FOXR1: variants seen among roughly 807,000 people sequenced by gnomAD.
FOXR1 encodes forkhead box protein R1.
Under a neutral mutation model 34.5 loss-of-function variants are expected in FOXR1, and 25 were observed. The observed-to-expected ratio is 0.72, with a 90% confidence interval of 0.53 to 1.01. FOXR1 has a LOEUF of 1.01. Ranked by LOEUF, FOXR1 falls within the 50% of genes least tolerant of loss-of-function variation. FOXR1 has a pLI of 0.00. For missense variants in FOXR1, 373 were observed against 376.2 expected, an observed-to-expected ratio of 0.99 and a Z score of 0.07; for synonymous variants, 153 against 141.6, an observed-to-expected ratio of 1.08 and a Z score of -0.57.
chr11:118,981,122 A>G, intron 5 of FOXR1, 86 bp from the exon 6 acceptor site: 1 of 1,332,076 alleles, frequency 7.5e-7, no homozygotes, highest in South Asian at 1.2e-5. Flanking sequence ...TGAAAGAAGC[A>G]GATGACCTGC....
At chr11:118,979,827 T>C (rs376260016) in intron 4 of FOXR1, among the ~76,000 whole-genome samples, 159 bp downstream of exon 4, 75 of 152,288 alleles carry the variant, frequency 4.9e-4, no homozygotes, top group African/African-American at 1.7e-3. Context: ...GGTGCATTTG[T>C]GCCCACATTG....
intron 5 of FOXR1, 57 bp from the exon 6 acceptor site, chr11:118,981,151 G>C (rs933953151): frequency 6.4e-7 from 1 of 1,570,104 alleles, no homozygotes; most frequent in African/African-American, 1.4e-5. Context: ...AGCATCCCAG[G>C]CCTAGGAAAC....
At chr11:118,981,132 C>T in intron 5 of FOXR1, 76 bp from the exon 6 acceptor site, 4 of 1,431,722 alleles carry the variant, frequency 2.8e-6, no homozygotes, top group Non-Finnish European at 3.9e-6. Flanking sequence ...AGATGACCTG[C>T]TATGAGAGAG....
intron 1 of FOXR1, among the ~76,000 whole-genome samples, chr11:118,976,440 A>C (rs942434624): frequency 3.3e-5 from 5 of 152,156 alleles, no homozygotes; most frequent in Admixed American, 2.0e-4. Flanking sequence ...GGGCCCAAGC[A>C]ATCCGCCTGC....
At position 118,979,628 on chromosome 11, in the gene FOXR1, C is replaced by T. The variant is rs782429601; in HGVS notation, c.571C>T (p.Pro191Ser). 1.2e-5 allele frequency: 20 copies of T among 1,611,180 alleles called. No homozygotes were observed. Among genetic ancestry groups the T allele is most frequent in the Admixed American group, 8.4e-5 (5 of 59,606 alleles). The change falls in exon 4 of 6, where the codon CCC becomes TCC. Residue 191 changes from proline (P) to serine (S), a missense_variant. Transcript: ENST00000317011. ...TGCCCTGGCATTAAGAAACAGTTCC[C>T]CCTGTGGCCTCAACGTGCAACAGAT... The part of the protein sequence containing the change: ...LIALALRNSS[P>S]CGLNVQQIYS...
In FOXR1 at chr11:118,979,427, T is replaced by A. The variant is rs782497468; in HGVS notation, c.385-15T>A. 1.3e-6 allele frequency: 2 copies of A among 1,590,132 alleles called. No individual in the cohort carries two copies. Among genetic ancestry groups the A allele is most frequent in the African/African-American group, 2.7e-5 (2 of 74,022 alleles). On this transcript the variant is annotated splice_polypyrimidine_tract_variant and intron_variant, in intron 3 of 5. Transcript: ENST00000317011. ...CTGAGGAGTCAGGACCAGTTCCTAC[T>A]CTGTGCTCCTCTAGCTCACAGAAGA...
chr11:118,976,853 G>A (rs765169994), intron 1 of FOXR1, among the ~76,000 whole-genome samples: 17 of 152,194 alleles, frequency 1.1e-4, no homozygotes, highest in Admixed American at 2.6e-4. Context: ...TAGCCATTCA[G>A]TTATCCCCTC....
At position 118,976,175 on chromosome 11, in the gene FOXR1, A is replaced by G. The variant is rs373834987; in HGVS notation, c.62-2607A>G. 1.1e-4 allele frequency among the ~76,000 whole-genome samples: 17 copies of G among 151,980 alleles called. 1 individual carries two copies. The highest frequency in any genetic ancestry group is 2.4e-4 in the African/African-American group (10 of 41,440). On this transcript the variant is annotated intron_variant, in intron 1 of 5. Coordinates refer to ENST00000317011, the MANE Select transcript of FOXR1 (RefSeq NM_181721.3). ...AGAGTAGAAGTCAAACTCGCTGGAG[A>G]AGAGTTCAATAAATAGCAAAGATCA...
Position 118,978,970 on chromosome 11 carries a change from GC to G in FOXR1, c.153del (p.Asn52ThrfsTer6), listed in dbSNP as rs782175141. The G allele has an allele frequency of 1.2e-6, 2 of 1,606,364 alleles. No homozygotes were observed. The highest frequency in any genetic ancestry group is 1.7e-6 in the Non-Finnish European group (2 of 1,175,200). ...TGTTCTGCACAGGTCCAGATTATGA[GC>G]CCAACCTCTGGATGTGGGTAAATCC... The part of the protein sequence containing the change: ...NPDKDGPDYE[P>X]NLWMWVNPNI... On this transcript the variant is annotated frameshift_variant, in exon 3 of 6. Transcript: ENST00000317011. LOFTEE classifies it high-confidence loss of function.
Position 118,981,200 on chromosome 11 carries a change from T to A in FOXR1, c.851-8T>A. On this transcript the variant is annotated splice_polypyrimidine_tract_variant and splice_region_variant and intron_variant, in intron 5 of 5. Transcript: ENST00000317011. ...TATAAACTCCTGAACTCTCTCCTTTTCTTACAGATGTGATGCCCTTCCTCT... is the reference window on the plus strand; with the variant it reads ...TATAAACTCCTGAACTCTCTCCTTTACTTACAGATGTGATGCCCTTCCTCT... The A allele has an allele frequency of 6.2e-7, 1 of 1,614,122 alleles. No individual in the cohort carries two copies. Among genetic ancestry groups the A allele is most frequent in the Non-Finnish European group, 8.5e-7 (1 of 1,179,986 alleles).
rs1439607494 is a variant in FOXR1 at position 118,979,514 on chromosome 11, GC to G, written c.463del (p.Leu155SerfsTer27). 1.2e-6 allele frequency: 2 copies of G among 1,613,154 alleles called. No individual in the cohort carries two copies. Among genetic ancestry groups the G allele is most frequent in the Non-Finnish European group, 1.7e-6 (2 of 1,179,628 alleles). ...SMALPSPHKR[A>X]PLQSRRLRQA... is the part of the protein sequence containing the mutation. ...GGCTCTCCCATCCCCTCACAAAAGG[GC>G]CCCCCTCCAGAGTCGGAGGCTTCGG... On this transcript the variant is annotated frameshift_variant, in exon 4 of 6. Coordinates refer to ENST00000317011, the MANE Select transcript of FOXR1 (RefSeq NM_181721.3). LOFTEE classifies it high-confidence loss of function.
chr11:118,972,234 T>C (rs995791245), intron 1 of FOXR1, among the ~76,000 whole-genome samples: 1 of 151,402 alleles, frequency 6.6e-6, no homozygotes. Flanking sequence ...CCTGACTCAA[T>C]TGGAAGCTCC....
intron 1 of FOXR1, among the ~76,000 whole-genome samples, chr11:118,977,312 G>A (rs1941791000): frequency 6.6e-6 from 1 of 152,106 alleles, no homozygotes; most frequent in South Asian, 2.1e-4. Context: ...GATTACAGGT[G>A]TGGGCCACCG....
At chr11:118,972,027 C>A (rs1364334722) in intron 1 of FOXR1, 35 bp downstream of exon 1, 2 of 1,023,226 alleles carry the variant, frequency 2.0e-6, no homozygotes, top group Non-Finnish European at 2.6e-6. Flanking sequence ...GGGGGCTGGG[C>A]GTGGCGGAGG....
At chr11:118,980,421 A>G in intron 4 of FOXR1, 69 bp from the exon 5 acceptor site, 1 of 1,550,364 alleles carries the variant, frequency 6.5e-7, no homozygotes. Context: ...CCCTGGGTAG[A>G]ACATGCCCCA....
rs1439362842 is a variant in FOXR1 at position 118,979,513 on chromosome 11, G to A, written c.456G>A (p.Arg152=). The A allele has an allele frequency of 1.2e-6, 2 of 1,613,350 alleles. No homozygotes were observed. The highest frequency in any genetic ancestry group is 2.2e-5 in the East Asian group (1 of 44,808). The part of the protein sequence containing the change: ...SSMALPSPHK[R]APLQSRRLRQ... ...TGGCTCTCCCATCCCCTCACAAAAG[G>A]GCCCCCCTCCAGAGTCGGAGGCTTC... is the stretch of plus-strand genomic sequence containing the variant. The change falls in exon 4 of 6, where the codon AGG becomes AGA. Residue 152 remains arginine (R), a synonymous_variant. Transcript: ENST00000317011.
At chr11:118,972,903 C>T (rs1270415667) in intron 1 of FOXR1, among the ~76,000 whole-genome samples, 2 of 152,012 alleles carry the variant, frequency 1.3e-5, no homozygotes, top group Non-Finnish European at 1.5e-5. Flanking sequence ...CTTCCTTTTG[C>T]CCCTTAAGTC....
chr11:118,976,355 C>T (rs539395810), intron 1 of FOXR1, among the ~76,000 whole-genome samples: 27 of 152,336 alleles, frequency 1.8e-4, no homozygotes, highest in Admixed American at 1.1e-3. Flanking sequence ...CCACCACACT[C>T]GGCTAGATTA....
In FOXR1 at chr11:118,979,550, AG is replaced by A. The variant is rs782538435; in HGVS notation, c.494del (p.Ser165ThrfsTer17). On this transcript the variant is annotated frameshift_variant, in exon 4 of 6. Transcript: ENST00000317011. LOFTEE classifies it high-confidence loss of function. ...LQSRRLRQASSQAGRLWSRPP... is the reference protein window; with the variant it reads ...LQSRRLRQASXQAGRLWSRPP... Reference sequence around the variant, plus strand: ...GAGTCGGAGGCTTCGGCAAGCCAGCAGCCAGGCGGGGAGGCTCTGGTCCCGG... The same window carrying A: ...GAGTCGGAGGCTTCGGCAAGCCAGCACCAGGCGGGGAGGCTCTGGTCCCGG... 3 of 1,613,662 alleles carry A rather than the reference AG, an allele frequency of 1.9e-6. No individual in the cohort carries two copies. Among genetic ancestry groups the A allele is most frequent in the Non-Finnish European group, 2.5e-6 (3 of 1,179,788 alleles).
Sources: allele counts gnomAD v4.1 joint callset (sites outside exome capture counted in the v4.1 genomes callset), GRCh38; gene constraint gnomAD v4.1.1; transcripts MANE v1.5; gene names NCBI Gene and HGNC (gene_info 2026-07-23, HGNC 2026-07-21).